Variants in SPHKAP observed in about 807,000 individuals in gnomAD.
SPHKAP encodes the protein A-kinase anchor protein SPHKAP.
In SPHKAP, 67 loss-of-function variants were observed where a neutral mutation model predicts 137.5. The ratio of observed to expected loss-of-function variants is 0.49; its 90% CI spans 0.40 to 0.60. SPHKAP has a LOEUF of 0.60. SPHKAP is among the 20% of genes least tolerant of loss of function. The pLI is 0.00. For synonymous variants in SPHKAP, 813 were observed against 785.3 expected (o/e 1.04, Z -0.59); for missense variants, 2,097 against 2,069.3 (o/e 1.01, Z -0.26).
chr2:228,074,366 T>C (rs1276409726), intron 3 of SPHKAP, among the ~76,000 whole-genome samples: 1 of 152,138 alleles, frequency 6.6e-6, no homozygotes, highest in Non-Finnish European at 1.5e-5. Flanking sequence ...AGGAAAGAGG[T>C]TTAATTGACT....
intron 7 of SPHKAP, among the ~76,000 whole-genome samples, chr2:228,012,567 A>AT (rs939834911): frequency 6.6e-6 from 1 of 152,082 alleles, no homozygotes; most frequent in African/African-American, 2.4e-5. Flanking sequence ...GTACAATAAT[A>AT]TTTTTTTGAA....
At chr2:228,094,250 A>G (rs1697911695) in intron 3 of SPHKAP, among the ~76,000 whole-genome samples, 1 of 152,222 alleles carries the variant, frequency 6.6e-6, no homozygotes, top group Non-Finnish European at 1.5e-5. Context: ...ATTCACTGCT[A>G]AGAGCTAGTG....
intron 7 of SPHKAP, among the ~76,000 whole-genome samples, chr2:228,000,358 T>A (rs1046195203): frequency 1.3e-5 from 2 of 151,210 alleles, no homozygotes; most frequent in Non-Finnish European, 3.0e-5. Context: ...GTGGCTCACG[T>A]CTGTAATCCC....
chr2:228,180,218 C>T (rs1327457060), intron 1 of SPHKAP, among the ~76,000 whole-genome samples: 2 of 151,978 alleles, frequency 1.3e-5, no homozygotes, highest in East Asian at 3.9e-4. Context: ...CCACAGCGGG[C>T]CTTTTCTGAA....
intron 3 of SPHKAP, among the ~76,000 whole-genome samples, chr2:228,104,444 C>T (rs1047896617): frequency 4.7e-5 from 7 of 149,236 alleles, no homozygotes; most frequent in Admixed American, 2.0e-4. Flanking sequence ...TCTTTGATCA[C>T]GTGAGTCTAG....
At chr2:228,104,414 A>AT (rs34661119) in intron 3 of SPHKAP, among the ~76,000 whole-genome samples, 38,056 of 146,798 alleles carry the variant, frequency 0.26, 5,165 homozygotes, top group Admixed American at 0.36. Flanking sequence ...AATTATTCAA[A>AT]TATAATATAT....
At chr2:228,048,258 C>T (rs560767021) in intron 3 of SPHKAP, among the ~76,000 whole-genome samples, 1 of 147,824 alleles carries the variant, frequency 6.8e-6, no homozygotes, top group East Asian at 2.0e-4. Flanking sequence ...AACTCAGTCA[C>T]TTCTTTGGTT....
chr2:228,099,649 A>C (rs1275163727), intron 3 of SPHKAP, among the ~76,000 whole-genome samples: 1 of 152,120 alleles, frequency 6.6e-6, no homozygotes, highest in Non-Finnish European at 1.5e-5. Flanking sequence ...GATTCTTCTA[A>C]TCCATGAGCA....
intron 11 of SPHKAP, among the ~76,000 whole-genome samples, chr2:227,982,898 C>A (rs970327547): frequency 5.9e-5 from 9 of 152,030 alleles, no homozygotes. Flanking sequence ...CAAGACCAAG[C>A]GTGAGTCAAA....
chr2:228,175,344 A>G (rs1036465970), intron 1 of SPHKAP, among the ~76,000 whole-genome samples: 2 of 152,150 alleles, frequency 1.3e-5, no homozygotes, highest in East Asian at 3.8e-4. Flanking sequence ...ATTTAAAGCA[A>G]AATATATAGT....
chr2:228,012,163 C>CAAAAAAAAAA (rs544782857), intron 7 of SPHKAP, among the ~76,000 whole-genome samples: 7 of 84,912 alleles, frequency 8.2e-5, no homozygotes, highest in South Asian at 4.6e-4. Context: ...GACTCTACCT[C>CAAAAAAAAAA]AAAAAAAAAA....
At position 228,017,351 on chromosome 2, in the gene SPHKAP, C is replaced by T. The variant is rs766901363; in HGVS notation, c.3503G>A (p.Cys1168Tyr). The T allele has an allele frequency of 1.2e-6, 2 of 1,613,622 alleles. No individual in the cohort carries two copies. Among genetic ancestry groups the T allele is most frequent in the Non-Finnish European group, 1.7e-6 (2 of 1,179,784 alleles). ...SILNSAMQQA[C>Y]RKSDHLSVRP... ...CACACTGAGGTGGTCACTTTTCCGG[C>T]ACGCCTGTTGCATGGCTGAGTTCAG... The change falls in exon 7 of 12, where the codon TGC becomes TAC. Residue 1168 changes from cysteine (C) to tyrosine (Y), a missense_variant. By Grantham distance (194) the Cys-to-Tyr change is radical (BLOSUM62 -2). Transcript: ENST00000392056.
intron 7 of SPHKAP, among the ~76,000 whole-genome samples, chr2:228,007,000 G>T (rs1694168387): frequency 6.6e-6 from 1 of 152,180 alleles, no homozygotes; most frequent in African/African-American, 2.4e-5. Flanking sequence ...ACCTACTTGA[G>T]GAGGCAGTCT....
intron 3 of SPHKAP, among the ~76,000 whole-genome samples, chr2:228,092,279 A>G (rs1295984827): frequency 8.3e-5 from 12 of 144,478 alleles, no homozygotes; most frequent in African/African-American, 2.8e-4. Flanking sequence ...ACACACGTGT[A>G]TGTGCGTGTA....
Position 227,981,538 on chromosome 2 carries a change from C to A in SPHKAP, c.*179G>T. On this transcript the variant is annotated 3_prime_UTR_variant, in exon 12 of 12. Coordinates refer to ENST00000392056, the MANE Select transcript of SPHKAP (RefSeq NM_001142644.2). The stretch of plus-strand genomic sequence containing the variant: ...CACAAGTTGTATGAATTTGGACAGA[C>A]CTATATTTTGCTTTTCCTCTGACTT... 1 of 622,128 alleles carries A rather than the reference C, an allele frequency of 1.6e-6. No individual in the cohort carries two copies. Among genetic ancestry groups the A allele is most frequent in the South Asian group, 2.8e-5 (1 of 35,482 alleles). 38.5% of individuals were successfully genotyped at this position (622,128 alleles called of 1,614,324 possible). A position where few individuals can be genotyped will look rare whatever the true frequency, so the allele number is the denominator to read the frequency against.
At chr2:228,030,556 A>AT (rs1695268315) in intron 3 of SPHKAP, among the ~76,000 whole-genome samples, 1 of 144,086 alleles carries the variant, frequency 6.9e-6, no homozygotes, top group African/African-American at 2.6e-5. Flanking sequence ...AAAAAAAAAA[A>AT]TAAAAAAATT....
At chr2:228,117,830 C>CTTTTTTTTTT (rs34166785) in intron 2 of SPHKAP, among the ~76,000 whole-genome samples, 1 of 138,286 alleles carries the variant, frequency 7.2e-6, no homozygotes, top group Non-Finnish European at 1.6e-5. Flanking sequence ...CTTTCCTTTC[C>CTTTTTTTTTT]TTTTTTTTTT....
intron 1 of SPHKAP, among the ~76,000 whole-genome samples, chr2:228,166,818 T>A (rs540938943): frequency 6.6e-6 from 1 of 152,210 alleles, no homozygotes. Flanking sequence ...AAAGCAGGTT[T>A]AATTGGCTCA....
At chr2:227,985,666 G>C (rs1693184488) in intron 11 of SPHKAP, among the ~76,000 whole-genome samples, 1 of 152,122 alleles carries the variant, frequency 6.6e-6, no homozygotes, top group South Asian at 2.1e-4. Flanking sequence ...CAAATATTTT[G>C]TCTTAAGAAA....
Sources: gnomAD v4.1 joint callset for allele counts (sites outside exome capture counted in the v4.1 genomes callset) on GRCh38, gnomAD v4.1.1 for gene constraint, MANE v1.5 for transcripts, NCBI Gene and HGNC (gene_info 2026-07-23, HGNC 2026-07-21) for gene names.